KIF7: variants seen among roughly 807,000 people sequenced by gnomAD.
The protein encoded by KIF7 is kinesin family member 7, also known as kinesin-like protein KIF7.
KIF7 carries 104 observed loss-of-function variants against 135.7 expected under a neutral mutation model. That is an observed-to-expected ratio of 0.77 (90% confidence interval 0.65 to 0.90). KIF7 has a LOEUF of 0.90. Among genes scored for constraint, KIF7 ranks in the 40% least tolerant of loss-of-function variants. The pLI, the probability that KIF7 is intolerant of heterozygous loss-of-function variation, is 0.00. For synonymous variants in KIF7, 883 were observed against 809.4 expected (o/e 1.09, Z -1.54); for missense variants, 2,005 against 1,839.1 (o/e 1.09, Z -1.65).
chr15:89,621,748 G>A (rs1963428705), intron 1 of KIF7, among the ~76,000 whole-genome samples: 2 of 152,098 alleles, frequency 1.3e-5, no homozygotes, highest in Non-Finnish European at 2.9e-5. Context: ...CTGAAGCCAC[G>A]GTGGGGGCGG....
At chr15:89,654,101 CTG>C (rs1311524726) in intron 1 of KIF7, among the ~76,000 whole-genome samples, 2 of 152,168 alleles carry the variant, frequency 1.3e-5, no homozygotes, top group Non-Finnish European at 2.9e-5. Flanking sequence ...GCTCTGCCTC[CTG>C]GGTTCACACC....
At chr15:89,634,173 C>T (rs1360584541) in intron 11 of KIF7, among the ~76,000 whole-genome samples, 1 of 152,136 alleles carries the variant, frequency 6.6e-6, no homozygotes, top group African/African-American at 2.4e-5. Flanking sequence ...GTGGTGGGTG[C>T]CTCTAATCCC....
At chr15:89,634,442 G>C (rs1201377630) in intron 11 of KIF7, among the ~76,000 whole-genome samples, 1 of 152,216 alleles carries the variant, frequency 6.6e-6, no homozygotes, top group Non-Finnish European at 1.5e-5. Context: ...GGGAGTGCCA[G>C]ACAGTGGGCG....
chr15:89,643,086 G>C (rs566041369), intron 10 of KIF7, among the ~76,000 whole-genome samples: 1 of 152,272 alleles, frequency 6.6e-6, no homozygotes, highest in South Asian at 2.1e-4. Context: ...CCAAACGTGG[G>C]GTTTGGGACA....
rs181823479 is a variant in KIF7 at position 89,618,371 on chromosome 15, T to C, written c.181-176A>G. Among the ~76,000 whole-genome samples the C allele has an allele frequency of 9.2e-5, 14 of 152,358 alleles. No homozygotes were observed. In the East Asian group the frequency reaches 2.7e-3, roughly 29 times the overall value. On this transcript the variant is annotated intron_variant and NMD_transcript_variant, in intron 1 of 2. Transcript: ENST00000558928. ...GTAAATATTTATAAGTGAATGTTCT[T>C]CTGCATAGAAGGTACTGAGAGAATT... is the stretch of plus-strand genomic sequence containing the variant.
rs748805814 is a variant in KIF7 at position 89,647,585 on chromosome 15, G to A, written c.1560+11C>T. Reference sequence around the variant, plus strand: ...GGAAGCCTTCCCCGCACTGTGAAGCGGGCGCCGCACCTGCAGTTTGTACTG... The same window carrying A: ...GGAAGCCTTCCCCGCACTGTGAAGCAGGCGCCGCACCTGCAGTTTGTACTG... On this transcript the variant is annotated intron_variant, in intron 6 of 18. Transcript: ENST00000394412. 8 of 1,607,482 alleles carry A rather than the reference G, an allele frequency of 5.0e-6. No individual in the cohort carries two copies. In the East Asian group the frequency reaches 1.3e-4, roughly 27 times the overall value.
At chr15:89,631,155 G>A in intron 15 of KIF7, 1 of 321,716 alleles carries the variant, frequency 3.1e-6, no homozygotes, top group Non-Finnish European at 5.9e-6. Context: ...CAGATGTGTG[G>A]GCATGAGGTG....
At chr15:89,624,595 C>T (rs374047012), downstream of KIF7, 4 of 1,613,970 alleles carry the variant, frequency 2.5e-6, no homozygotes, top group Non-Finnish European at 3.4e-6. Context: ...GGGACTGAGC[C>T]TCTCTCCTCA....
downstream of KIF7, chr15:89,625,473 G>A (rs1213776765): frequency 1.2e-6 from 2 of 1,613,938 alleles, no homozygotes; most frequent in Non-Finnish European, 1.7e-6. Context: ...CAGAGGGCAA[G>A]GACCACGGCC....
chr15:89,626,424 C>T (rs1484949983), downstream of KIF7, among the ~76,000 whole-genome samples: 1 of 152,194 alleles, frequency 6.6e-6, no homozygotes, highest in Non-Finnish European at 1.5e-5. Flanking sequence ...GGTTTATCCG[C>T]ATGTTCTGTA....
At chr15:89,620,614 AGTT>A (rs1241895995) in intron 1 of KIF7, among the ~76,000 whole-genome samples, 2 of 151,620 alleles carry the variant, frequency 1.3e-5, no homozygotes, top group Non-Finnish European at 2.9e-5. Context: ...AAAAGGCAGC[AGTT>A]GTTGTAGTTG....
intron 10 of KIF7, among the ~76,000 whole-genome samples, 158 bp from the exon 11 acceptor site, chr15:89,642,563 A>G (rs933439267): frequency 1.3e-5 from 2 of 151,992 alleles, no homozygotes; most frequent in South Asian, 4.2e-4. Flanking sequence ...TTTTTCTTCA[A>G]ATCAACTCTA....
intron 14 of KIF7, 105 bp from the exon 15 acceptor site, chr15:89,631,815 A>G (rs1351479806): frequency 3.1e-6 from 3 of 954,392 alleles, no homozygotes. Flanking sequence ...TCCCTCAAGA[A>G]ACCAACACTC....
intron 1 of KIF7, chr15:89,619,573 C>T: frequency 1.1e-6 from 1 of 885,188 alleles, no homozygotes; most frequent in South Asian, 1.7e-5. Context: ...CTTCAGAAGT[C>T]TCTTAAAGCT....
chr15:89,656,230 C>A (rs1964205304), upstream of KIF7, among the ~76,000 whole-genome samples: 1 of 152,004 alleles, frequency 6.6e-6, no homozygotes, highest in African/African-American at 2.4e-5. Context: ...GTAACAGAAA[C>A]CACAATTTGA....
Position 89,648,952 on chromosome 15 carries a change from TAGG to T in KIF7, c.923+19_923+21del. The T allele has an allele frequency of 6.6e-7, 1 of 1,518,290 alleles. No individual in the cohort carries two copies. 94.1% of individuals were successfully genotyped at this position (1,518,290 alleles called of 1,614,324 possible). A position where few individuals can be genotyped will look rare whatever the true frequency, so the allele number is the denominator to read the frequency against. ...CCGCCTCCCCGGCCCCCAGGCCACA[TAGG>T]AGCCAGGGGGCAGCTCACCGGGTGA... On this transcript the variant is annotated intron_variant, in intron 4 of 18. Coordinates refer to ENST00000394412, the MANE Select transcript of KIF7 (RefSeq NM_198525.3).
chr15:89,640,172 T>C (rs1963891773), intron 11 of KIF7, among the ~76,000 whole-genome samples: 1 of 151,848 alleles, frequency 6.6e-6, no homozygotes, highest in African/African-American at 2.4e-5. Flanking sequence ...GGGATAGCAC[T>C]GGGAGATATA....
intron 8 of KIF7, 35 bp downstream of exon 8, chr15:89,645,858 G>A (rs775287422): frequency 2.3e-5 from 37 of 1,609,400 alleles, no homozygotes; most frequent in Non-Finnish European, 3.1e-5. Context: ...CCCTGAGCAG[G>A]TCCTTGTCAG....
intron 1 of KIF7, among the ~76,000 whole-genome samples, chr15:89,622,330 A>G (rs1022024747): frequency 6.6e-6 from 1 of 151,952 alleles, no homozygotes; most frequent in Non-Finnish European, 1.5e-5. Flanking sequence ...CCCTACTGCA[A>G]TTCCTACCCT....
Sources: gnomAD v4.1 joint callset for allele counts (sites outside exome capture counted in the v4.1 genomes callset) on GRCh38, gnomAD v4.1.1 for gene constraint, MANE v1.5 for transcripts, NCBI Gene and HGNC (gene_info 2026-07-23, HGNC 2026-07-21) for gene names.